MARCHF1: variants seen among roughly 807,000 people sequenced by gnomAD.
The protein encoded by MARCHF1 is membrane associated ring-CH-type finger 1.
MARCHF1 carries 40 observed loss-of-function variants against 54.2 expected under a neutral mutation model. The ratio of observed to expected loss-of-function variants is 0.74; its 90% CI spans 0.57 to 0.96. MARCHF1 has a LOEUF of 0.96. MARCHF1 is among the 40% of genes least tolerant of loss of function. MARCHF1 has a pLI of 0.00. For synonymous variants in MARCHF1, 236 were observed against 236.3 expected (o/e 1.00, Z 0.01); for missense variants, 586 against 656.5 (o/e 0.89, Z 1.17).
At chr4:163,832,592 T>TATTATC (rs1749057815) in intron 4 of MARCHF1, among the ~76,000 whole-genome samples, 6 of 150,226 alleles carry the variant, frequency 4.0e-5, no homozygotes, top group Admixed American at 3.3e-4. Context: ...ATATTATTAT[T>TATTATC]ATTATTATTA....
At chr4:163,784,093 T>C (rs1038730753) in intron 4 of MARCHF1, among the ~76,000 whole-genome samples, 4 of 152,226 alleles carry the variant, frequency 2.6e-5, no homozygotes, top group African/African-American at 9.6e-5. Flanking sequence ...AAGTTATTAA[T>C]TTCTGTTTTA....
At chr4:164,319,238 T>C (rs1735076891) in intron 1 of MARCHF1, among the ~76,000 whole-genome samples, 1 of 152,202 alleles carries the variant, frequency 6.6e-6, no homozygotes, top group Non-Finnish European at 1.5e-5. Context: ...CTAGGTATTA[T>C]AAGTAATCTA....
rs533071971 is a variant in MARCHF1 at position 163,602,091 on chromosome 4, T to G, written c.1010+10180A>C. ...CCATTTCTACAATTTTTTAAAATTA[T>G]TTTTTATAAGGTGTGTGTGTGCGTC... On this transcript the variant is annotated intron_variant, in intron 7 of 9. Transcript: ENST00000514618. Among the ~76,000 whole-genome samples, 12 of 152,176 alleles carry G rather than the reference T, an allele frequency of 7.9e-5. No individual in the cohort carries two copies. The South Asian group carries it at 2.5e-3, about 32-fold the overall frequency.
At chr4:164,265,962 TTTG>T (rs1733600287) in intron 1 of MARCHF1, among the ~76,000 whole-genome samples, 1 of 152,132 alleles carries the variant, frequency 6.6e-6, no homozygotes, top group Non-Finnish European at 1.5e-5. Context: ...ATTGGGAGAT[TTTG>T]TTGTTTAACA....
chr4:164,114,660 A>G (rs1443159375), intron 1 of MARCHF1, among the ~76,000 whole-genome samples: 1 of 151,766 alleles, frequency 6.6e-6, no homozygotes, highest in African/African-American at 2.4e-5. Context: ...ATTTACAATG[A>G]AATAATCAGA....
At chr4:163,593,690 C>G (rs188911379) in intron 7 of MARCHF1, among the ~76,000 whole-genome samples, 25 of 152,270 alleles carry the variant, frequency 1.6e-4, no homozygotes, top group African/African-American at 5.3e-4. Context: ...AAGAAAGTCT[C>G]AAGTTGCCAT....
intron 4 of MARCHF1, among the ~76,000 whole-genome samples, chr4:163,753,373 CA>C (rs973898581): frequency 3.6e-4 from 54 of 152,004 alleles, no homozygotes; most frequent in African/African-American, 1.2e-3. Context: ...GTATTTTAAA[CA>C]ATGTTAAAAG....
chr4:164,257,318 A>G (rs1010946812), intron 1 of MARCHF1, among the ~76,000 whole-genome samples: 12 of 152,006 alleles, frequency 7.9e-5, no homozygotes, highest in African/African-American at 2.9e-4. Context: ...ATAATTGGAT[A>G]ATTTTTCTTG....
intron 3 of MARCHF1, among the ~76,000 whole-genome samples, chr4:163,858,551 TAG>T (rs1431514348): frequency 6.6e-6 from 1 of 152,184 alleles, no homozygotes; most frequent in African/African-American, 2.4e-5. Context: ...CGGAAAATTT[TAG>T]AGATTTTATG....
intron 3 of MARCHF1, among the ~76,000 whole-genome samples, chr4:163,947,462 T>A (rs190998943): frequency 6.6e-6 from 1 of 152,166 alleles, no homozygotes; most frequent in Non-Finnish European, 1.5e-5. Flanking sequence ...ATTATGCAGG[T>A]GGGTCCGATA....
In MARCHF1 at chr4:164,311,490, C is replaced by A. The variant is rs115879500; in HGVS notation, c.-323+72380G>T. On this transcript the variant is annotated intron_variant, in intron 1 of 9. Coordinates refer to ENST00000514618, the MANE Select transcript of MARCHF1 (RefSeq NM_001394959.1). ...TTCACTGAACAATTCTATAAGAAAC[C>A]TTTCCAATGACCATCTGTCCAAACT... 4.2e-3 allele frequency among the ~76,000 whole-genome samples: 643 copies of A among 152,162 alleles called. 2 individuals are homozygous for A. The highest frequency in any genetic ancestry group is 0.015 in the African/African-American group (608 of 41,522).
At chr4:164,023,759 T>A (rs914362508) in intron 2 of MARCHF1, among the ~76,000 whole-genome samples, 3 of 152,026 alleles carry the variant, frequency 2.0e-5, no homozygotes, top group African/African-American at 7.2e-5. Flanking sequence ...ATGACAGACA[T>A]AGAATTCAAA....
intron 8 of MARCHF1, among the ~76,000 whole-genome samples, chr4:163,556,146 G>A (rs549419644): frequency 5.3e-5 from 8 of 151,854 alleles, no homozygotes; most frequent in South Asian, 2.1e-4. Context: ...ACAATGTATC[G>A]GACATTGTTG....
chr4:164,259,502 G>A (rs1016763031), intron 1 of MARCHF1, among the ~76,000 whole-genome samples: 1 of 746 alleles, frequency 1.3e-3, no homozygotes, highest in South Asian at 0.016. Context: ...TGAGATCACG[G>A]CTACTGCACT....
In MARCHF1 at chr4:163,941,221, T is replaced by C. The variant is rs1390053286; in HGVS notation, c.-39+47280A>G. Among the ~76,000 whole-genome samples, 7 of 152,216 alleles carry C rather than the reference T, an allele frequency of 4.6e-5. No individual in the cohort carries two copies. In the East Asian group the frequency reaches 9.7e-4, roughly 21 times the overall value. On this transcript the variant is annotated intron_variant, in intron 3 of 9. Transcript: ENST00000514618. ...AAGATTTAAGTAGTGATTTGTATGATACAAACACTGTAAGCTTTAAGAGTG... is the reference window on the plus strand; with the variant it reads ...AAGATTTAAGTAGTGATTTGTATGACACAAACACTGTAAGCTTTAAGAGTG...
intron 2 of MARCHF1, among the ~76,000 whole-genome samples, chr4:164,072,782 T>A (rs1161358900): frequency 6.6e-6 from 1 of 151,272 alleles, no homozygotes; most frequent in African/African-American, 2.4e-5. Flanking sequence ...GATGAAGACA[T>A]GTGTATTGAG....
rs1168622931 is a variant in MARCHF1 at position 163,691,925 on chromosome 4, T to C, written c.162+8888A>G. Among the ~76,000 whole-genome samples the C allele has an allele frequency of 3.3e-5, 5 of 152,272 alleles. No homozygotes were observed. In the East Asian group the frequency reaches 9.7e-4, roughly 29 times the overall value. On this transcript the variant is annotated intron_variant, in intron 5 of 9. Coordinates refer to ENST00000514618, the MANE Select transcript of MARCHF1 (RefSeq NM_001394959.1). ...AGGAACTTTCTCAGCCAAAAGTCTA[T>C]ATACTCTCCTACCCCAACAGGCCAA... is the stretch of plus-strand genomic sequence containing the variant.
At chr4:163,731,420 A>G (rs1745826162) in intron 4 of MARCHF1, among the ~76,000 whole-genome samples, 1 of 152,360 alleles carries the variant, frequency 6.6e-6, no homozygotes, top group Non-Finnish European at 1.5e-5. Flanking sequence ...ATTGATTCTG[A>G]CAGATGATAG....
intron 1 of MARCHF1, among the ~76,000 whole-genome samples, chr4:164,133,934 T>G (rs375270867): frequency 1.3e-5 from 2 of 152,194 alleles, no homozygotes; most frequent in East Asian, 1.9e-4. Flanking sequence ...AGATAAAGAT[T>G]ATACTCTTCG....
Sources: allele counts gnomAD v4.1 joint callset (sites outside exome capture counted in the v4.1 genomes callset), GRCh38; gene constraint gnomAD v4.1.1; transcripts MANE v1.5; gene names NCBI Gene and HGNC (gene_info 2026-07-23, HGNC 2026-07-21).